TASP1: variants seen among roughly 807,000 people sequenced by gnomAD.
TASP1 encodes taspase 1.
In TASP1, 16 loss-of-function variants were observed where a neutral mutation model predicts 56.6. The observed-to-expected ratio is 0.28, with a 90% confidence interval of 0.19 to 0.43. The LOEUF (loss-of-function observed/expected upper bound fraction) is 0.43, where lower values mean the gene tolerates loss of function less well. TASP1 is among the 20% of genes least tolerant of loss of function. TASP1 has a pLI of 1.00. For missense variants in TASP1, 393 were observed against 511.6 expected, an observed-to-expected ratio of 0.77 and a Z score of 2.24; for synonymous variants, 179 against 184.2, an observed-to-expected ratio of 0.97 and a Z score of 0.23.
the TASP1 span, among the ~76,000 whole-genome samples, chr20:13,382,176 T>C: frequency 1.3e-5 from 2 of 152,206 alleles, no homozygotes; most frequent in Non-Finnish European, 2.9e-5. Context: ...GAGTGGGTCA[T>C]GGCCCAAATG....
the TASP1 span, among the ~76,000 whole-genome samples, chr20:13,144,709 A>G: frequency 1.3e-5 from 2 of 152,138 alleles, no homozygotes; most frequent in South Asian, 4.1e-4. Flanking sequence ...GAAAGGTCCA[A>G]CCTAGTCCTT....
the TASP1 span, among the ~76,000 whole-genome samples, chr20:13,206,824 ATTC>A: frequency 1.3e-5 from 2 of 152,228 alleles, no homozygotes; most frequent in Non-Finnish European, 2.9e-5. Context: ...GGAAAATGTA[ATTC>A]TTCTGTGTGC....
At chr20:13,214,521 A>ACG in the TASP1 span, among the ~76,000 whole-genome samples, 1 of 52,690 alleles carries the variant, frequency 1.9e-5, no homozygotes, top group Non-Finnish European at 3.2e-5. Flanking sequence ...AGAGACAGGC[A>ACG]CACACACACA....
intron 4 of TASP1, among the ~76,000 whole-genome samples, chr20:13,610,287 A>C (rs2048306321): frequency 6.6e-6 from 1 of 152,254 alleles, no homozygotes; most frequent in South Asian, 2.1e-4. Context: ...TTAAAAAGGC[A>C]GACACAAAAG....
At chr20:13,603,545 A>T (rs2048038028) in intron 4 of TASP1, among the ~76,000 whole-genome samples, 1 of 138,186 alleles carries the variant, frequency 7.2e-6, no homozygotes, top group Admixed American at 7.1e-5. Context: ...CTGTCTCAAA[A>T]AAATAAAAAT....
chr20:13,145,675 TAGCCA>T, the TASP1 span, among the ~76,000 whole-genome samples: 1 of 152,006 alleles, frequency 6.6e-6, no homozygotes, highest in South Asian at 2.1e-4. Flanking sequence ...AGAGCACAAA[TAGCCA>T]AGGCAATCCT....
chr20:13,410,694 GTTGT>G (rs1019778808), intron 13 of TASP1, among the ~76,000 whole-genome samples: 1 of 151,888 alleles, frequency 6.6e-6, no homozygotes, highest in African/African-American at 2.4e-5. Flanking sequence ...TAAACATTGA[GTTGT>G]TTGAGTTCTT....
chr20:13,326,925 C>A, the TASP1 span, among the ~76,000 whole-genome samples: 1 of 152,170 alleles, frequency 6.6e-6, no homozygotes, highest in African/African-American at 2.4e-5. Flanking sequence ...CCCTCTCTCA[C>A]CGCTCCTATT....
the TASP1 span, among the ~76,000 whole-genome samples, chr20:13,196,572 C>A: frequency 1.3e-5 from 2 of 152,034 alleles, no homozygotes; most frequent in African/African-American, 4.8e-5. Context: ...ATGTTCAGCA[C>A]TTCATATGTG....
intron 6 of TASP1, among the ~76,000 whole-genome samples, chr20:13,573,722 T>C (rs925768286): frequency 5.3e-5 from 8 of 152,154 alleles, no homozygotes; most frequent in Non-Finnish European, 1.2e-4. Context: ...TACCCTCTTA[T>C]TTGAAGTGGT....
At chr20:13,351,195 CA>C in the TASP1 span, among the ~76,000 whole-genome samples, 3 of 152,140 alleles carry the variant, frequency 2.0e-5, no homozygotes, top group Non-Finnish European at 2.9e-5. Flanking sequence ...GACAAACATG[CA>C]GAGCTACTGG....
chr20:13,564,502 ACT>A (rs1444692063), intron 7 of TASP1, among the ~76,000 whole-genome samples: 3 of 152,092 alleles, frequency 2.0e-5, no homozygotes, highest in Non-Finnish European at 2.9e-5. Flanking sequence ...AGATGTCAGT[ACT>A]ACTAAAAGCA....
At chr20:13,361,665 A>G in the TASP1 span, among the ~76,000 whole-genome samples, 1 of 152,092 alleles carries the variant, frequency 6.6e-6, no homozygotes, top group South Asian at 2.1e-4. Context: ...CCCCCAAAAA[A>G]ACTTGTCATC....
intron 10 of TASP1, among the ~76,000 whole-genome samples, chr20:13,509,911 C>A (rs894870243): frequency 6.6e-6 from 1 of 152,154 alleles, no homozygotes; most frequent in African/African-American, 2.4e-5. Context: ...CAGGCGTGAG[C>A]CACCACGTCT....
At chr20:13,147,784 T>A in the TASP1 span, among the ~76,000 whole-genome samples, 1 of 152,228 alleles carries the variant, frequency 6.6e-6, no homozygotes, top group Non-Finnish European at 1.5e-5. Flanking sequence ...GTCTGTATTC[T>A]GGACAGTGGT....
At chr20:13,378,514 T>G in the TASP1 span, among the ~76,000 whole-genome samples, 1 of 152,178 alleles carries the variant, frequency 6.6e-6, no homozygotes, top group Non-Finnish European at 1.5e-5. Context: ...AATTTTAAAA[T>G]AAGTGTGATG....
chr20:13,153,412 C>A, the TASP1 span, among the ~76,000 whole-genome samples: 1 of 152,096 alleles, frequency 6.6e-6, no homozygotes, highest in African/African-American at 2.4e-5. Context: ...AAGCAGGGGT[C>A]CCCCTCTTTC....
intron 13 of TASP1, among the ~76,000 whole-genome samples, chr20:13,406,091 G>A (rs2041909371): frequency 6.6e-6 from 1 of 152,226 alleles, no homozygotes; most frequent in African/African-American, 2.4e-5. Flanking sequence ...TTAACAGTAG[G>A]TCTTAAAGTC....
intron 11 of TASP1, among the ~76,000 whole-genome samples, chr20:13,452,428 A>AC (rs139997009): frequency 0.032 from 4,882 of 151,000 alleles, 267 homozygotes; most frequent in African/African-American, 0.11. Context: ...AAAAAAAAAA[A>AC]TTCCTGAAAA....
Sources: allele counts gnomAD v4.1 joint callset (sites outside exome capture counted in the v4.1 genomes callset), GRCh38; gene constraint gnomAD v4.1.1; transcripts MANE v1.5; gene names NCBI Gene and HGNC (gene_info 2026-07-23, HGNC 2026-07-21).